IL23R: variants seen among roughly 807,000 people sequenced by gnomAD.
IL23R encodes interleukin-23 receptor.
IL23R carries 34 observed loss-of-function variants against 56.9 expected under a neutral mutation model. The observed-to-expected ratio is 0.60, with a 90% confidence interval of 0.45 to 0.80. The LOEUF is 0.80. IL23R is among the 30% of genes least tolerant of loss of function. The probability of loss-of-function intolerance (pLI) is 0.00; values close to 1 mark genes in which losing one functional copy is unlikely to be tolerated. For synonymous variants in IL23R, 230 were observed against 249.2 expected, an observed-to-expected ratio of 0.92 and a Z score of 0.73; for missense variants, 635 against 730.0, an observed-to-expected ratio of 0.87 and a Z score of 1.50.
chr1:67,190,702 T>TA (rs535326910), intron 4 of IL23R, among the ~76,000 whole-genome samples: 6 of 152,088 alleles, frequency 3.9e-5, no homozygotes, highest in Admixed American at 2.0e-4. Flanking sequence ...TGTAGATATT[T>TA]AAAAAAAAGA....
At chr1:67,184,800 ACAAATGCT>A (rs1277741245) in intron 4 of IL23R, among the ~76,000 whole-genome samples, 7 of 152,204 alleles carry the variant, frequency 4.6e-5, no homozygotes, top group Non-Finnish European at 1.0e-4. Flanking sequence ...CTGGGATCAT[ACAAATGCT>A]TATATCCTCC....
chr1:67,186,121 T>TAG (rs1160816442), intron 4 of IL23R, among the ~76,000 whole-genome samples: 1 of 152,132 alleles, frequency 6.6e-6, no homozygotes, highest in African/African-American at 2.4e-5. Context: ...GCAAGACAAC[T>TAG]AGAGTCTCAT....
intron 4 of IL23R, among the ~76,000 whole-genome samples, chr1:67,189,332 T>C (rs998511105): frequency 2.0e-5 from 3 of 152,188 alleles, no homozygotes; most frequent in African/African-American, 7.2e-5. Flanking sequence ...AATCTCCCCT[T>C]CACTGTCTAG....
chr1:67,200,103 G>A (rs1194139775), intron 4 of IL23R, among the ~76,000 whole-genome samples: 1 of 151,912 alleles, frequency 6.6e-6, no homozygotes, highest in Non-Finnish European at 1.5e-5. Context: ...GCAGTGGTGT[G>A]ATCTCGGCTC....
At chr1:67,175,669 T>C (rs78963059) in intron 3 of IL23R, among the ~76,000 whole-genome samples, 3,215 of 152,292 alleles carry the variant, frequency 0.021, 102 homozygotes, top group African/African-American at 0.073. Context: ...AAAATTTCCT[T>C]CCTTTTTAAG....
chr1:67,165,422 T>C (rs1403616969), upstream of IL23R, among the ~76,000 whole-genome samples: 1 of 152,106 alleles, frequency 6.6e-6, no homozygotes, highest in Non-Finnish European at 1.5e-5. Context: ...ATTTAAAAAA[T>C]TAAAATAGAC....
At chr1:67,218,356 G>GTATATATATA (rs1272667281) in intron 6 of IL23R, among the ~76,000 whole-genome samples, 1 of 137,382 alleles carries the variant, frequency 7.3e-6, no homozygotes, top group East Asian at 2.1e-4. Context: ...GTGTGTGTGT[G>GTATATATATA]TGTATATATA....
intron 6 of IL23R, among the ~76,000 whole-genome samples, chr1:67,219,094 C>A (rs1178731491): frequency 6.6e-6 from 1 of 150,702 alleles, no homozygotes; most frequent in African/African-American, 2.4e-5. Flanking sequence ...GGGCTGGGCA[C>A]GGTGGCTCAC....
intron 8 of IL23R, among the ~76,000 whole-genome samples, chr1:67,237,080 T>C (rs1651527584): frequency 6.6e-6 from 1 of 152,248 alleles, no homozygotes; most frequent in Non-Finnish European, 1.5e-5. Flanking sequence ...CCTTGTTCTG[T>C]CACCCAGGCT....
chr1:67,240,640 G>A (rs1271652730), intron 9 of IL23R, among the ~76,000 whole-genome samples: 3 of 152,166 alleles, frequency 2.0e-5, no homozygotes, highest in Non-Finnish European at 2.9e-5. Context: ...GTTTTCCATT[G>A]TGCCTCAAAT....
intron 9 of IL23R, among the ~76,000 whole-genome samples, chr1:67,244,276 A>C (rs1652049460): frequency 6.6e-6 from 1 of 152,106 alleles, no homozygotes; most frequent in Admixed American, 6.6e-5. Context: ...GTTCACTTTG[A>C]TGATAGTTTC....
chr1:67,215,804 A>C (rs112935971), intron 6 of IL23R, among the ~76,000 whole-genome samples: 394 of 152,308 alleles, frequency 2.6e-3, no homozygotes, highest in Non-Finnish European at 4.9e-3. Context: ...CCTTGTCCTG[A>C]AAATGTCTCT....
downstream of IL23R, among the ~76,000 whole-genome samples, chr1:67,260,299 A>T (rs983715583): frequency 1.3e-5 from 2 of 152,170 alleles, no homozygotes; most frequent in African/African-American, 4.8e-5. Flanking sequence ...GATATTATTT[A>T]TACTATAATA....
At chr1:67,147,707 A>T (rs1049941012) in intron 1 of IL23R, among the ~76,000 whole-genome samples, 1 of 152,190 alleles carries the variant, frequency 6.6e-6, no homozygotes, top group Non-Finnish European at 1.5e-5. Flanking sequence ...TGTCAAAAAA[A>T]AAATAAAAAG....
At chr1:67,256,818 A>G (rs543016550) in intron 10 of IL23R, among the ~76,000 whole-genome samples, 1 of 152,332 alleles carries the variant, frequency 6.6e-6, no homozygotes, top group Non-Finnish European at 1.5e-5. Flanking sequence ...TGGTAAGCCT[A>G]TTAGCTAACT....
intron 1 of IL23R, among the ~76,000 whole-genome samples, chr1:67,160,883 T>C (rs1646812591): frequency 6.6e-6 from 1 of 152,206 alleles, no homozygotes; most frequent in African/African-American, 2.4e-5. Flanking sequence ...AAAAATTCTC[T>C]AAAAGTATTT....
In IL23R at chr1:67,183,910, G is replaced by A. The variant is rs376102631; in HGVS notation, c.491+951G>A. Among the ~76,000 whole-genome samples the A allele has an allele frequency of 2.2e-4, 33 of 152,218 alleles. 2 individuals are homozygous for A. In the South Asian group the frequency reaches 6.2e-3, roughly 29 times the overall value. ...CTAGGACAAGTTGCTTACCTTATCC[G>A]TGTTTCTTGTTTTGTTTAGTTTATT... On this transcript the variant is annotated intron_variant, in intron 4 of 10. Transcript: ENST00000347310.
intron 7 of IL23R, among the ~76,000 whole-genome samples, chr1:67,225,771 G>C (rs1570885638): frequency 6.6e-6 from 1 of 151,656 alleles, no homozygotes; most frequent in Non-Finnish European, 1.5e-5. Flanking sequence ...TGGCCTCCCA[G>C]AGTGCTGGGA....
chr1:67,225,875 G>T (rs888700780), intron 7 of IL23R, among the ~76,000 whole-genome samples: 26 of 152,142 alleles, frequency 1.7e-4, no homozygotes, highest in Admixed American at 1.6e-3. Context: ...CTTCTGCAGT[G>T]AAGCATAAAA....
Sources: gnomAD v4.1 joint callset for allele counts (sites outside exome capture counted in the v4.1 genomes callset) on GRCh38, gnomAD v4.1.1 for gene constraint, MANE v1.5 for transcripts, NCBI Gene and HGNC (gene_info 2026-07-23, HGNC 2026-07-21) for gene names.